PLPPR5: variants seen among roughly 807,000 people sequenced by gnomAD.
PLPPR5 encodes the protein phospholipid phosphatase-related protein type 5.
Under a neutral mutation model 33.9 loss-of-function variants are expected in PLPPR5, and 16 were observed. That is an observed-to-expected ratio of 0.47 (90% CI 0.32 to 0.72). The LOEUF (loss-of-function observed/expected upper bound fraction) is 0.72. Among genes scored for constraint, PLPPR5 ranks in the 30% least tolerant of loss-of-function variants. PLPPR5 has a pLI of 0.03. For synonymous variants in PLPPR5, 163 were observed against 150.3 expected (o/e 1.08, Z -0.62); for missense variants, 301 against 406.7 (o/e 0.74, Z 2.23).
At chr1:98,927,002 T>A (rs1458840164) in intron 3 of PLPPR5, among the ~76,000 whole-genome samples, 1 of 152,284 alleles carries the variant, frequency 6.6e-6, no homozygotes, top group Middle Eastern at 3.4e-3. Flanking sequence ...TGTGATGCAA[T>A]GGTGGAAAGA....
At chr1:98,907,960 G>C (rs60339429) in intron 5 of PLPPR5, among the ~76,000 whole-genome samples, 2,506 of 152,274 alleles carry the variant, frequency 0.016, 68 homozygotes, top group African/African-American at 0.056. Context: ...TACCTATCCA[G>C]TTCACAAAAG....
At chr1:98,980,302 G>T (rs1652019450) in intron 1 of PLPPR5, among the ~76,000 whole-genome samples, 1 of 152,018 alleles carries the variant, frequency 6.6e-6, no homozygotes, top group Admixed American at 6.6e-5. Flanking sequence ...AAACTTTTAT[G>T]TGTTTTCTCT....
At chr1:98,990,217 A>G (rs1471340468) in intron 1 of PLPPR5, among the ~76,000 whole-genome samples, 1 of 151,992 alleles carries the variant, frequency 6.6e-6, no homozygotes, top group Non-Finnish European at 1.5e-5. Flanking sequence ...AAAAATACAA[A>G]AATTAGCCAG....
intron 5 of PLPPR5, among the ~76,000 whole-genome samples, chr1:98,912,234 T>A (rs112543868): frequency 0.031 from 4,748 of 152,348 alleles, 110 homozygotes; most frequent in African/African-American, 0.064. Context: ...TTTGCAAATT[T>A]CTTAACCATT....
chr1:98,999,574 T>G (rs761849652), intron 1 of PLPPR5, among the ~76,000 whole-genome samples: 13 of 152,108 alleles, frequency 8.5e-5, no homozygotes, highest in Non-Finnish European at 1.5e-4. Context: ...TCCAGACACA[T>G]CTGAAACCCA....
At chr1:98,939,337 G>A (rs570494893) in intron 3 of PLPPR5, among the ~76,000 whole-genome samples, 1 of 148,140 alleles carries the variant, frequency 6.8e-6, no homozygotes, top group South Asian at 2.1e-4. Flanking sequence ...AAATATGCTA[G>A]GTGCACCACT....
At chr1:98,911,669 G>T (rs1421675140) in intron 5 of PLPPR5, among the ~76,000 whole-genome samples, 2 of 152,034 alleles carry the variant, frequency 1.3e-5, no homozygotes, top group Non-Finnish European at 2.9e-5. Flanking sequence ...AATTTCAGAG[G>T]TATACAAAAT....
intron 2 of PLPPR5, among the ~76,000 whole-genome samples, chr1:98,955,685 T>C (rs1482399867): frequency 6.6e-6 from 1 of 152,114 alleles, no homozygotes; most frequent in African/African-American, 2.4e-5. Context: ...GATCTATGCA[T>C]AATATCTTCA....
chr1:98,932,160 T>C (rs142336330), intron 3 of PLPPR5, among the ~76,000 whole-genome samples: 31 of 152,330 alleles, frequency 2.0e-4, no homozygotes, highest in African/African-American at 7.5e-4. Flanking sequence ...TCCAGACATA[T>C]GACAAGAATC....
chr1:98,902,949 A>G (rs2101137604), intron 5 of PLPPR5, among the ~76,000 whole-genome samples: 2 of 152,192 alleles, frequency 1.3e-5, no homozygotes, highest in South Asian at 2.1e-4. Flanking sequence ...GCTGTCTTTT[A>G]TTTTTCATGT....
chr1:98,920,012 G>GT (rs1336207597), intron 4 of PLPPR5, among the ~76,000 whole-genome samples: 1 of 152,108 alleles, frequency 6.6e-6, no homozygotes, highest in Non-Finnish European at 1.5e-5. Context: ...TATATAGTCA[G>GT]TTTTTACATA....
chr1:98,933,189 T>TTC (rs1650046719), intron 3 of PLPPR5, among the ~76,000 whole-genome samples: 2 of 114,128 alleles, frequency 1.8e-5, no homozygotes, highest in Non-Finnish European at 3.8e-5. Context: ...TAGAGAGGGC[T>TTC]TTTTAAAAAA....
chr1:98,962,827 ATTT>A (rs911639839), intron 1 of PLPPR5, among the ~76,000 whole-genome samples: 75 of 151,938 alleles, frequency 4.9e-4, no homozygotes, highest in African/African-American at 1.8e-3. Flanking sequence ...AATTTCTTTT[ATTT>A]TTTATTTTTA....
intron 1 of PLPPR5, chr1:99,004,172 C>T (rs1391052445): frequency 1.9e-6 from 1 of 518,230 alleles, no homozygotes; most frequent in Non-Finnish European, 3.4e-6. Flanking sequence ...CCTACGGCCC[C>T]TCTTCCCTTC....
At chr1:98,999,198 T>C (rs149087128) in intron 1 of PLPPR5, among the ~76,000 whole-genome samples, 52 of 152,326 alleles carry the variant, frequency 3.4e-4, no homozygotes, top group African/African-American at 1.2e-3. Context: ...TTAAAGAGGT[T>C]TCCTGATTAA....
At chr1:98,945,220 T>C (rs1053178490) in intron 3 of PLPPR5, among the ~76,000 whole-genome samples, 1 of 152,170 alleles carries the variant, frequency 6.6e-6, no homozygotes, top group Non-Finnish European at 1.5e-5. Flanking sequence ...AATTATAAAA[T>C]ATGCATTCAC....
At chr1:98,974,185 T>C (rs558081601) in intron 1 of PLPPR5, among the ~76,000 whole-genome samples, 1 of 151,894 alleles carries the variant, frequency 6.6e-6, no homozygotes, top group Admixed American at 6.6e-5. Context: ...TGTCAGCAAG[T>C]AGAGAAGAAA....
intron 1 of PLPPR5, among the ~76,000 whole-genome samples, chr1:98,965,209 T>C (rs1570739589): frequency 6.6e-6 from 1 of 152,114 alleles, no homozygotes; most frequent in African/African-American, 2.4e-5. Flanking sequence ...GTTTACCTCA[T>C]TGGGAGGAAG....
At chr1:98,957,191 T>C (rs1391687062) in intron 1 of PLPPR5, among the ~76,000 whole-genome samples, 1 of 104,272 alleles carries the variant, frequency 9.6e-6, no homozygotes. Context: ...TGTTGTGGGG[T>C]TGGGGGAGGG....
Sources: gnomAD v4.1 joint callset for allele counts (sites outside exome capture counted in the v4.1 genomes callset) on GRCh38, gnomAD v4.1.1 for gene constraint, MANE v1.5 for transcripts, NCBI Gene and HGNC (gene_info 2026-07-23, HGNC 2026-07-21) for gene names.